The following PCDHGA3 variants were observed in gnomAD, a reference collection of about 807,000 sequenced individuals.
The protein encoded by PCDHGA3 is protocadherin gamma-A3.
PCDHGA3 carries 40 observed loss-of-function variants against 58.5 expected under a neutral mutation model. That is an observed-to-expected ratio of 0.68 (90% CI 0.53 to 0.89). The LOEUF (loss-of-function observed/expected upper bound fraction) is 0.89, where lower values mean the gene tolerates loss of function less well. Among genes scored for constraint, PCDHGA3 ranks in the 40% least tolerant of loss-of-function variants. The pLI, the probability that PCDHGA3 is intolerant of heterozygous loss-of-function variation, is 0.00. For synonymous variants in PCDHGA3, 530 were observed against 525.7 expected, an observed-to-expected ratio of 1.01 and a Z score of -0.11; for missense variants, 1,223 against 1,195.9, an observed-to-expected ratio of 1.02 and a Z score of -0.33.
At chr5:141,355,148 A>G in intron 1 of PCDHGA3, 1 of 1,533,998 alleles carries the variant, frequency 6.5e-7, no homozygotes, top group Non-Finnish European at 8.7e-7. Context: ...GGGGCTCCTC[A>G]GGCCTCGACA....
chr5:141,352,763 G>T (rs927333979), intron 1 of PCDHGA3: 5 of 1,302,158 alleles, frequency 3.8e-6, no homozygotes, highest in Non-Finnish European at 5.3e-6. Context: ...GCTGAGGCAG[G>T]TGGATCACTT....
chr5:141,369,839 G>A (rs1482165947), intron 1 of PCDHGA3, among the ~76,000 whole-genome samples: 6 of 152,096 alleles, frequency 3.9e-5, no homozygotes, highest in Non-Finnish European at 7.4e-5. Context: ...GATTTTCTAT[G>A]TATTATTTTA....
At chr5:141,365,006 A>G in intron 1 of PCDHGA3, 1 of 1,613,882 alleles carries the variant, frequency 6.2e-7, no homozygotes, top group Non-Finnish European at 8.5e-7. Flanking sequence ...CTCCGGCACC[A>G]CGCACATCCG....
rs918375556 is a variant in PCDHGA3, at chr5:141,489,318, G to C, written c.2425-5489G>C. 6.3e-7 allele frequency: 1 copy of C among 1,598,974 alleles called. No individual in the cohort carries two copies. Among genetic ancestry groups the C allele is most frequent in the African/African-American group, 1.3e-5 (1 of 74,510 alleles). On this transcript the variant is annotated intron_variant, in intron 1 of 3. Coordinates refer to ENST00000253812, the MANE Select transcript of PCDHGA3 (RefSeq NM_018916.4). The surrounding 1 kb of genome is among the most constrained non-coding windows in gnomAD (Gnocchi z 4.5). ...TGTTGTCCTTGTGCTGCTGGGGCTG[G>C]GTGTCTGGGCAGCTTCGTTACTCAG...
At chr5:141,361,458 C>G in intron 1 of PCDHGA3, 1 of 1,614,054 alleles carries the variant, frequency 6.2e-7, no homozygotes, top group Non-Finnish European at 8.5e-7. Flanking sequence ...TCACCCTGCA[C>G]ATCTCCGACG....
chr5:141,345,749 CACT>C lies in PCDHGA3; in HGVS notation c.1717_1719del (p.Thr573del). On this transcript the variant is annotated inframe_deletion, in exon 1 of 4. Coordinates refer to ENST00000253812, the MANE Select transcript of PCDHGA3 (RefSeq NM_018916.4). ...ACCCCGCCCTCCCCACAGACGGTTC[CACT>C]GGCGTGGAGCTGGCGCCTCGCTCCG... 6.2e-7 allele frequency: 1 copy of C among 1,614,232 alleles called. No individual in the cohort carries two copies. The highest frequency in any genetic ancestry group is 1.1e-5 in the South Asian group (1 of 91,082).
chr5:141,395,310 A>G (rs752171326), intron 1 of PCDHGA3: 7 of 1,502,410 alleles, frequency 4.7e-6, no homozygotes. Context: ...TTTGAAAAAC[A>G]TTGTGAAGAT....
At chr5:141,482,343 A>G (rs1016179369) in intron 1 of PCDHGA3, among the ~76,000 whole-genome samples, 3 of 152,126 alleles carry the variant, frequency 2.0e-5, no homozygotes, top group Non-Finnish European at 2.9e-5. Flanking sequence ...TACTTTGCAA[A>G]CTTGTTGTGA....
chr5:141,452,010 G>A (rs955708033), intron 1 of PCDHGA3, among the ~76,000 whole-genome samples: 1 of 152,192 alleles, frequency 6.6e-6, no homozygotes, highest in African/African-American at 2.4e-5. Context: ...ACTTGGTCCA[G>A]CCCACACTCT....
At position 141,413,202 on chromosome 5, in the gene PCDHGA3, GGAATC is replaced by G. The variant is rs766359797; in HGVS notation, c.2424+66746_2424+66750del. 6.8e-6 allele frequency: 11 copies of G among 1,611,944 alleles called. No homozygotes were observed. The East Asian group carries it at 2.2e-4, about 33-fold the overall frequency. On this transcript the variant is annotated intron_variant, in intron 1 of 3. Coordinates refer to ENST00000253812, the MANE Select transcript of PCDHGA3 (RefSeq NM_018916.4). ...TGGCCGCTCAAAGGAATCGCTCAAAGGAATCAAAGGATTGCAGCGGGCTGGTCCTG... is the reference window on the plus strand; with the variant it reads ...TGGCCGCTCAAAGGAATCGCTCAAAGAAAGGATTGCAGCGGGCTGGTCCTG...
intron 1 of PCDHGA3, among the ~76,000 whole-genome samples, chr5:141,474,263 A>C (rs964712807): frequency 6.6e-6 from 1 of 152,188 alleles, no homozygotes; most frequent in Non-Finnish European, 1.5e-5. Context: ...CTGATAAACC[A>C]GTGTATCTCT....
At chr5:141,417,302 G>A (rs1267397415) in intron 1 of PCDHGA3, 1 of 152,270 alleles carries the variant, frequency 6.6e-6, no homozygotes, top group Non-Finnish European at 1.5e-5. Context: ...GCCTCTGGAT[G>A]GAGGAATTGG....
chr5:141,460,582 G>A (rs1246329967), intron 1 of PCDHGA3, among the ~76,000 whole-genome samples: 2 of 152,022 alleles, frequency 1.3e-5, no homozygotes, highest in South Asian at 4.1e-4. Context: ...GTAGGTGTGG[G>A]TTTTTTCTGG....
chr5:141,371,950 C>T (rs749822569), intron 1 of PCDHGA3: 2 of 1,613,286 alleles, frequency 1.2e-6, no homozygotes, highest in Non-Finnish European at 1.7e-6. Context: ...GCGCAGCGAG[C>T]CTTCGACCAC....
At chr5:141,422,171 T>C (rs1204753893) in intron 1 of PCDHGA3, 4 of 1,564,922 alleles carry the variant, frequency 2.6e-6, no homozygotes, top group Non-Finnish European at 3.4e-6. Context: ...AAATATAGAT[T>C]CTATGAGATG....
At chr5:141,408,558 T>A (rs748858215) in intron 1 of PCDHGA3, 48 of 1,613,898 alleles carry the variant, frequency 3.0e-5, no homozygotes, top group Non-Finnish European at 5.9e-6. Context: ...ATTTTTCATG[T>A]CATTGTGGTG....
intron 1 of PCDHGA3, chr5:141,357,136 G>A: frequency 1.2e-6 from 2 of 1,613,540 alleles, no homozygotes; most frequent in Non-Finnish European, 1.7e-6. Context: ...TGTAGTGGTC[G>A]TCCAGGACCA....
intron 1 of PCDHGA3, chr5:141,383,317 G>A (rs376453261): frequency 1.9e-6 from 3 of 1,614,000 alleles, no homozygotes; most frequent in African/African-American, 2.7e-5. Context: ...AGAAATAAAT[G>A]TAAAAATAAT....
Position 141,431,877 on chromosome 5 carries a change from A to G in PCDHGA3, c.2425-62930A>G. On this transcript the variant is annotated intron_variant, in intron 1 of 3. Coordinates refer to ENST00000253812, the MANE Select transcript of PCDHGA3 (RefSeq NM_018916.4). The surrounding 1 kb of genome is among the most constrained non-coding windows in gnomAD (Gnocchi z 4.8). ...TTAATTGCCCTTTTAAATGTAAATG[A>G]CCAAGATTCTGAGGAAAACGGACAG... is the stretch of plus-strand genomic sequence containing the variant. 8 of 1,614,230 alleles carry G rather than the reference A, an allele frequency of 5.0e-6. No individual in the cohort carries two copies. Among genetic ancestry groups the G allele is most frequent in the Non-Finnish European group, 6.8e-6 (8 of 1,180,016 alleles).
Sources: gnomAD v4.1 joint callset for allele counts (sites outside exome capture counted in the v4.1 genomes callset) on GRCh38, gnomAD v4.1.1 for gene constraint, Gnocchi (gnomAD v3.1) non-coding constraint, MANE v1.5 for transcripts, NCBI Gene and HGNC (gene_info 2026-07-23, HGNC 2026-07-21) for gene names.